The following FSIP1 variants were observed in gnomAD, a reference collection of about 807,000 sequenced individuals.
FSIP1 encodes the protein fibrous sheath interacting protein 1.
A neutral mutation model predicts 60.9 loss-of-function variants in FSIP1; 65 were observed. The ratio of observed to expected loss-of-function variants is 1.07; its 90% CI spans 0.87 to 1.31. The LOEUF is 1.31. Ranked by LOEUF, FSIP1 falls within the 40% of genes most tolerant of loss-of-function variation. The pLI is 0.00. For missense variants in FSIP1, 675 were observed against 665.5 expected (o/e 1.01, Z -0.16); for synonymous variants, 209 against 221.2 (o/e 0.94, Z 0.49).
At chr15:39,780,855 T>A (rs1898239341) in intron 1 of FSIP1, among the ~76,000 whole-genome samples, 1 of 152,352 alleles carries the variant, frequency 6.6e-6, no homozygotes, top group Middle Eastern at 3.4e-3. Flanking sequence ...GTCAAAGTGC[T>A]GGGATTACAG....
chr15:39,627,520 T>C (rs1891691751), intron 10 of FSIP1, among the ~76,000 whole-genome samples: 1 of 151,984 alleles, frequency 6.6e-6, no homozygotes, highest in Non-Finnish European at 1.5e-5. Context: ...AGTGAAGGAG[T>C]TACTTTCCCC....
chr15:39,640,059 G>A (rs983662733), intron 10 of FSIP1, among the ~76,000 whole-genome samples: 1 of 152,132 alleles, frequency 6.6e-6, no homozygotes, highest in Non-Finnish European at 1.5e-5. Flanking sequence ...AATACTTAAC[G>A]TGTAAAACAA....
intron 10 of FSIP1, among the ~76,000 whole-genome samples, chr15:39,639,116 G>A (rs766480683): frequency 6.6e-6 from 1 of 152,136 alleles, no homozygotes; most frequent in African/African-American, 2.4e-5. Flanking sequence ...TTACATAGAG[G>A]TTAAAAATTT....
chr15:39,658,588 C>T (rs559594684), intron 10 of FSIP1, among the ~76,000 whole-genome samples: 157 of 152,264 alleles, frequency 1.0e-3, no homozygotes, highest in African/African-American at 3.6e-3. Context: ...ATAAAGATAA[C>T]TTAAGTTTGC....
At chr15:39,750,012 CACAA>C (rs1897118564) in intron 5 of FSIP1, among the ~76,000 whole-genome samples, 1 of 151,804 alleles carries the variant, frequency 6.6e-6, no homozygotes, top group African/African-American at 2.4e-5. Context: ...CATTTCTATA[CACAA>C]ACAACCTAGC....
At chr15:39,634,244 C>T (rs1006525900) in intron 10 of FSIP1, among the ~76,000 whole-genome samples, 4 of 152,182 alleles carry the variant, frequency 2.6e-5, no homozygotes, top group East Asian at 3.8e-4. Flanking sequence ...CTTTTGATCC[C>T]GTTCCTCTCT....
At chr15:39,666,464 C>T (rs1400548827) in intron 10 of FSIP1, among the ~76,000 whole-genome samples, 3 of 152,104 alleles carry the variant, frequency 2.0e-5, no homozygotes, top group Admixed American at 1.3e-4. Context: ...ACTAGAATGT[C>T]ACAGAGGTAA....
chr15:39,773,060 GCAA>G (rs1437820201), intron 2 of FSIP1, among the ~76,000 whole-genome samples: 7 of 151,558 alleles, frequency 4.6e-5, no homozygotes, highest in East Asian at 1.9e-4. Context: ...AAATTAATAA[GCAA>G]CAACAAGCCA....
chr15:39,736,326 CG>C (rs1896607707), intron 8 of FSIP1, among the ~76,000 whole-genome samples: 1 of 152,214 alleles, frequency 6.6e-6, no homozygotes, highest in Non-Finnish European at 1.5e-5. Context: ...ACACAGCCCC[CG>C]CTGGGACCTC....
intron 10 of FSIP1, among the ~76,000 whole-genome samples, chr15:39,672,255 G>A (rs1893750107): frequency 1.3e-5 from 2 of 152,242 alleles, no homozygotes; most frequent in African/African-American, 4.8e-5. Flanking sequence ...GCAAGATGCT[G>A]AGGGTAGGGC....
intron 10 of FSIP1, among the ~76,000 whole-genome samples, chr15:39,626,266 T>C (rs1447148544): frequency 6.6e-6 from 1 of 152,186 alleles, no homozygotes; most frequent in Non-Finnish European, 1.5e-5. Flanking sequence ...TCCTCAGAAC[T>C]CTGTCTCTGG....
At chr15:39,710,592 T>G (rs1042613487) in intron 10 of FSIP1, among the ~76,000 whole-genome samples, 2 of 152,322 alleles carry the variant, frequency 1.3e-5, no homozygotes, top group East Asian at 3.9e-4. Flanking sequence ...TTGCTCATGA[T>G]TACTGATTAT....
intron 10 of FSIP1, among the ~76,000 whole-genome samples, chr15:39,634,469 C>T (rs541577957): frequency 4.1e-4 from 62 of 152,286 alleles, no homozygotes; most frequent in African/African-American, 1.4e-3. Flanking sequence ...TCTTACTGGA[C>T]CTCTCAGCAC....
chr15:39,733,716 C>T (rs1896503202), intron 8 of FSIP1, among the ~76,000 whole-genome samples: 1 of 152,138 alleles, frequency 6.6e-6, no homozygotes, highest in African/African-American at 2.4e-5. Context: ...AGCAAAGCCT[C>T]AGAGGACAGT....
At chr15:39,759,261 T>C (rs1009443090) in intron 5 of FSIP1, among the ~76,000 whole-genome samples, 5 of 151,992 alleles carry the variant, frequency 3.3e-5, no homozygotes, top group African/African-American at 9.7e-5. Context: ...ATTAAAAAAG[T>C]CTTTCAAATC....
intron 5 of FSIP1, among the ~76,000 whole-genome samples, chr15:39,745,142 TC>T (rs1896952098): frequency 8.3e-6 from 1 of 120,354 alleles, no homozygotes; most frequent in Non-Finnish European, 1.6e-5. Context: ...ACAAGCGTCC[TC>T]CCGAACCCAG....
intron 10 of FSIP1, among the ~76,000 whole-genome samples, chr15:39,677,857 G>C (rs1229066301): frequency 6.6e-6 from 1 of 152,066 alleles, no homozygotes; most frequent in Non-Finnish European, 1.5e-5. Context: ...TTGGCTGGGT[G>C]TGGTGGTGTA....
chr15:39,738,015 A>T, intron 8 of FSIP1, 76 bp downstream of exon 8: 1 of 832,356 alleles, frequency 1.2e-6, no homozygotes, highest in Non-Finnish European at 1.8e-6. Flanking sequence ...TTGTAAATTT[A>T]TGATACTGGG....
intron 10 of FSIP1, among the ~76,000 whole-genome samples, chr15:39,629,229 A>G (rs1179120871): frequency 6.6e-6 from 1 of 152,160 alleles, no homozygotes; most frequent in Non-Finnish European, 1.5e-5. Context: ...TACAGAGGCC[A>G]TGAGATGCTG....
Sources: gnomAD v4.1 joint callset for allele counts (sites outside exome capture counted in the v4.1 genomes callset) on GRCh38, gnomAD v4.1.1 for gene constraint, MANE v1.5 for transcripts, NCBI Gene and HGNC (gene_info 2026-07-23, HGNC 2026-07-21) for gene names.